MS4A8: variants seen among roughly 807,000 people sequenced by gnomAD.
MS4A8 encodes the protein membrane spanning 4-domains A8, also known as membrane-spanning 4-domains subfamily A member 8.
In MS4A8, 27 loss-of-function variants were observed where a neutral mutation model predicts 23.7. That is an observed-to-expected ratio of 1.14 (90% CI 0.84 to 1.57). MS4A8 has a LOEUF of 1.57. MS4A8 is among the 40% of genes most tolerant of loss of function. MS4A8 has a pLI of 0.00. For missense variants in MS4A8, 301 were observed against 311.4 expected (o/e 0.97, Z 0.25); for synonymous variants, 138 against 126.3 (o/e 1.09, Z -0.62).
intron 6 of MS4A8, 77 bp from the exon 7 acceptor site, chr11:60,715,233 T>A: frequency 6.7e-7 from 1 of 1,481,536 alleles, no homozygotes; most frequent in Non-Finnish European, 9.4e-7. Context: ...GGAGCAGGAG[T>A]AGTTCCTCGG....
At chr11:60,701,453 GC>G in intron 2 of MS4A8, 2 of 381,662 alleles carry the variant, frequency 5.2e-6, no homozygotes, top group Non-Finnish European at 1.0e-5. Flanking sequence ...TCAAATATTT[GC>G]CCAACAGGAA....
In MS4A8 at chr11:60,714,374, C is replaced by G. The variant is rs556517317; in HGVS notation, c.535-647C>G. Among the ~76,000 whole-genome samples the G allele has an allele frequency of 7.2e-5, 11 of 152,230 alleles. No individual in the cohort carries two copies. The East Asian group carries it at 2.1e-3, about 29-fold the overall frequency. On this transcript the variant is annotated intron_variant, in intron 5 of 6. Transcript: ENST00000300226. ...GTAGGGTTACAGATTAACAGCAGCT[C>G]GAGGCAGAAGAATTTTTCTTAGTAC...
intron 5 of MS4A8, 47 bp from the exon 6 acceptor site, chr11:60,714,974 G>A (rs2088330285): frequency 2.2e-6 from 3 of 1,373,332 alleles, no homozygotes; most frequent in African/African-American, 1.4e-5. Flanking sequence ...GGTCAGTTCG[G>A]ACTCCCAGTC....
chr11:60,708,840 C>A (rs1321281467), intron 5 of MS4A8, 59 bp downstream of exon 5: 4 of 1,603,714 alleles, frequency 2.5e-6, no homozygotes, highest in Non-Finnish European at 3.4e-6. Flanking sequence ...ATTTAGAAAA[C>A]TCCCAGAAAG....
At chr11:60,714,676 C>G (rs79323593) in intron 5 of MS4A8, among the ~76,000 whole-genome samples, 6,966 of 152,102 alleles carry the variant, frequency 0.046, 508 homozygotes, top group African/African-American at 0.16. Context: ...TCCATACCCT[C>G]CAATTCCTAC....
intron 5 of MS4A8, among the ~76,000 whole-genome samples, chr11:60,711,093 T>G (rs2134661401): frequency 6.6e-6 from 1 of 152,340 alleles, no homozygotes; most frequent in Middle Eastern, 3.4e-3. Context: ...GACTTATTTG[T>G]TACATTTCAT....
intron 3 of MS4A8, among the ~76,000 whole-genome samples, chr11:60,706,581 A>G (rs2134657614): frequency 6.6e-6 from 1 of 152,360 alleles, no homozygotes; most frequent in Non-Finnish European, 1.5e-5. Context: ...TTGTGGGAAA[A>G]TAAAATACAA....
chr11:60,707,275 A>G (rs75055663), intron 4 of MS4A8, among the ~76,000 whole-genome samples: 6,051 of 152,222 alleles, frequency 0.04, 361 homozygotes, highest in African/African-American at 0.14. Flanking sequence ...GGGGCAATAC[A>G]GTCACCTTAG....
At chr11:60,713,006 A>G (rs930379395) in intron 5 of MS4A8, among the ~76,000 whole-genome samples, 1 of 152,060 alleles carries the variant, frequency 6.6e-6, no homozygotes, top group Non-Finnish European at 1.5e-5. Context: ...CAGCAAATGG[A>G]GGGTTTCTAT....
chr11:60,708,927 C>T (rs2088279910), intron 5 of MS4A8, 146 bp downstream of exon 5: 2 of 937,824 alleles, frequency 2.1e-6, no homozygotes, highest in Non-Finnish European at 3.3e-6. Flanking sequence ...ATTTTAAAGT[C>T]CTTGACCCAT....
At chr11:60,707,129 A>G (rs1023510490) in intron 4 of MS4A8, 82 bp downstream of exon 4, 1 of 1,280,302 alleles carries the variant, frequency 7.8e-7, no homozygotes, top group African/African-American at 1.5e-5. Flanking sequence ...GTCACATACG[A>G]TTCCTCCCCC....
Position 60,715,053 on chromosome 11 carries a change from G to A in MS4A8, c.567G>A (p.Leu189=), listed in dbSNP as rs773157361. 6.2e-7 allele frequency: 1 copy of A among 1,614,100 alleles called. No homozygotes were observed. The highest frequency in any genetic ancestry group is 1.3e-5 in the African/African-American group (1 of 75,024). The change falls in exon 6 of 7, where the codon CTG becomes CTA. Residue 189 remains leucine, a synonymous_variant. Coordinates refer to ENST00000300226, the MANE Select transcript of MS4A8 (RefSeq NM_031457.2). Reference sequence around the variant, plus strand: ...GAATGGCGATTTCTGGCGTGCTGCTGGTCTTCTGCCTCCTGGAGTTTGGCA... The same window carrying A: ...GAATGGCGATTTCTGGCGTGCTGCTAGTCTTCTGCCTCCTGGAGTTTGGCA... ...NPGMAISGVL[L]VFCLLEFGIA... is the part of the protein sequence containing the mutation.
chr11:60,708,799 C>T lies in MS4A8; in HGVS notation c.534+18C>T, dbSNP rs1223834579. On this transcript the variant is annotated intron_variant, in intron 5 of 6. Coordinates refer to ENST00000300226, the MANE Select transcript of MS4A8 (RefSeq NM_031457.2). ...GGGGTGTGGTGAGTATCCCTCTCAA[C>T]CAAAGATCCTCTAAGTTCTGAATTA... The T allele has an allele frequency of 1.2e-6, 2 of 1,613,550 alleles. No homozygotes were observed. Among genetic ancestry groups the T allele is most frequent in the African/African-American group, 1.3e-5 (1 of 74,898 alleles).
chr11:60,706,879 C>A, intron 3 of MS4A8, 109 bp from the exon 4 acceptor site: 1 of 902,016 alleles, frequency 1.1e-6, no homozygotes, highest in Non-Finnish European at 1.8e-6. Context: ...CCATGTTGAG[C>A]TGATGGTTCC....
At chr11:60,701,567 G>T (rs2088205080) in intron 2 of MS4A8, 1 of 278,666 alleles carries the variant, frequency 3.6e-6, no homozygotes, top group Non-Finnish European at 7.2e-6. Flanking sequence ...GTAGCTGAAT[G>T]ATGGGCATGA....
chr11:60,712,805 AT>A (rs200492696), intron 5 of MS4A8, among the ~76,000 whole-genome samples: 1 of 151,762 alleles, frequency 6.6e-6, no homozygotes, highest in Non-Finnish European at 1.5e-5. Context: ...AAAAAAAAAA[AT>A]TAAAAAATCA....
intron 5 of MS4A8, chr11:60,708,987 C>A: frequency 1.9e-6 from 1 of 532,886 alleles, no homozygotes; most frequent in Non-Finnish European, 3.3e-6. Flanking sequence ...CTTTGTAGAA[C>A]AATACCTACC....
chr11:60,700,509 G>C (rs1243983770), intron 1 of MS4A8, among the ~76,000 whole-genome samples: 1 of 152,170 alleles, frequency 6.6e-6, no homozygotes, highest in East Asian at 1.9e-4. Flanking sequence ...TCGTACCACT[G>C]CACTCCAGCC....
intron 5 of MS4A8, among the ~76,000 whole-genome samples, chr11:60,710,773 G>A (rs773811611): frequency 5.9e-5 from 9 of 152,218 alleles, no homozygotes; most frequent in South Asian, 2.1e-4. Flanking sequence ...GGTGCCCCCC[G>A]CCCCTGGCTC....
Sources: gnomAD v4.1 joint callset for allele counts (sites outside exome capture counted in the v4.1 genomes callset) on GRCh38, gnomAD v4.1.1 for gene constraint, MANE v1.5 for transcripts, NCBI Gene and HGNC (gene_info 2026-07-23, HGNC 2026-07-21) for gene names.